C4orf50: variants seen among roughly 807,000 people sequenced by gnomAD.
C4orf50 encodes chromosome 4 open reading frame 50, also known as uncharacterized protein C4orf50.
A neutral mutation model predicts 77.2 loss-of-function variants in C4orf50; 80 were observed. The observed-to-expected ratio is 1.04, with a 90% CI of 0.87 to 1.25. The LOEUF is 1.25. Ranked by LOEUF, C4orf50 falls within the 50% of genes most tolerant of loss-of-function variation. The pLI is 0.00. For synonymous variants in C4orf50, 532 were observed against 465.3 expected, an observed-to-expected ratio of 1.14 and a Z score of -1.84; for missense variants, 1,257 against 1,152.9, an observed-to-expected ratio of 1.09 and a Z score of -1.31.
chr4:5,996,240 T>G (rs1005725561), intron 25 of C4orf50, among the ~76,000 whole-genome samples: 2 of 152,174 alleles, frequency 1.3e-5, no homozygotes, highest in African/African-American at 4.8e-5. Flanking sequence ...TGTCACATCC[T>G]TCTTGGGAGG....
chr4:5,973,903 G>A (rs1720097794), intron 30 of C4orf50, 62 bp from the exon 9 acceptor site: 8 of 1,395,566 alleles, frequency 5.7e-6, no homozygotes, highest in Admixed American at 4.3e-5. Context: ...TGAGCTGGAG[G>A]GCTGGGGGCC....
chr4:5,956,903 A>ACT (rs762448939), downstream of C4orf50: 5 of 152,240 alleles, frequency 3.3e-5, no homozygotes, highest in East Asian at 9.7e-4. Context: ...GCCTGAACCT[A>ACT]CTGGGTTGCC....
chr4:5,949,989 CAAA>C (rs374177600), intron 7 of C4orf50, among the ~76,000 whole-genome samples: 2 of 115,420 alleles, frequency 1.7e-5, no homozygotes, highest in Admixed American at 1.9e-4. Context: ...AACTCCATCT[CAAA>C]AAAAAAAAAA....
chr4:5,917,403 TTTC>T (rs1302577873), intron 7 of C4orf50, among the ~76,000 whole-genome samples: 1 of 138,074 alleles, frequency 7.2e-6, no homozygotes, highest in African/African-American at 2.9e-5. Flanking sequence ...AATTCCTGTA[TTTC>T]TTTTTTTTTT....
chr4:5,919,059 C>A lies in C4orf50; in HGVS notation c.*2475-20871G>T, dbSNP rs953652844. On this transcript the variant is annotated intron_variant, in intron 7 of 7. Transcript: ENST00000324058. This position sits in a 1 kb window ranked among gnomAD's most constrained non-coding sequence, Gnocchi z 6.5. ...TCTCGGTGCTTCTCAAGAGAACTTG[C>A]TGCTATGGCTCCTGGTTGGGACAGA... Among the ~76,000 whole-genome samples the A allele has an allele frequency of 6.6e-6, 1 of 152,176 alleles. No homozygotes were observed. The highest frequency in any genetic ancestry group is 1.5e-5 in the Non-Finnish European group (1 of 68,032).
At chr4:5,974,585 T>A (rs1230099434) in intron 30 of C4orf50, among the ~76,000 whole-genome samples, 4 of 151,826 alleles carry the variant, frequency 2.6e-5, no homozygotes, top group African/African-American at 4.8e-5. Flanking sequence ...TCAGCGGGAG[T>A]CCAGGGCATA....
rs114913598 is a variant in C4orf50, at chr4:6,010,118, C to T, written c.427-1586G>A. On this transcript the variant is annotated intron_variant, in intron 24 of 33. Coordinates refer to ENST00000531445, the Ensembl canonical transcript of C4orf50. ...TTACAGGGCTGGGTCCAATTCACCT[C>T]GGAAATCCTACATTCACATAGGGCA... Among the ~76,000 whole-genome samples, 1,069 of 152,220 alleles carry T rather than the reference C, an allele frequency of 7.0e-3. 15 individuals carry two copies. The highest frequency in any genetic ancestry group is 0.023 in the African/African-American group (966 of 41,528).
intron 31 of C4orf50, 28 bp downstream of exon 9, chr4:5,973,629 GCA>G (rs1720060788): frequency 6.3e-7 from 1 of 1,578,584 alleles, no homozygotes; most frequent in African/African-American, 1.3e-5. Flanking sequence ...CCCATAGGAA[GCA>G]CAGACAGGGC....
At chr4:5,991,731 G>A (rs1721307308) in intron 27 of C4orf50, among the ~76,000 whole-genome samples, 1 of 152,142 alleles carries the variant, frequency 6.6e-6, no homozygotes, top group East Asian at 1.9e-4. Flanking sequence ...AGAAGAGAAG[G>A]ACAGAGGGAG....
At chr4:5,978,584 C>G (rs1720407701) in intron 29 of C4orf50, among the ~76,000 whole-genome samples, 2 of 152,154 alleles carry the variant, frequency 1.3e-5, no homozygotes, top group South Asian at 4.1e-4. Context: ...GAGAAAAAAG[C>G]AATACTAGCT....
chr4:6,005,772 T>C (rs1722225364), intron 25 of C4orf50, among the ~76,000 whole-genome samples: 1 of 152,156 alleles, frequency 6.6e-6, no homozygotes, highest in Non-Finnish European at 1.5e-5. Context: ...ATCTCCCAGA[T>C]AACCATCTTC....
chr4:6,013,929 C>T (rs770933125), intron 23 of C4orf50, among the ~76,000 whole-genome samples: 31 of 151,948 alleles, frequency 2.0e-4, no homozygotes, highest in Non-Finnish European at 2.9e-4. Flanking sequence ...ATGACATAGA[C>T]AGTGAAGGAA....
Position 5,958,698 on chromosome 4 carries a change from A to G in C4orf50, c.*677T>C, listed in dbSNP as rs1435019551. The stretch of plus-strand genomic sequence containing the variant: ...CCTGGCATCCAGTGGATATCAACAG[A>G]CGTTTTTGGAGTGGATGGACTGATT... On this transcript the variant is annotated 3_prime_UTR_variant, in exon 34 of 34. Coordinates refer to ENST00000531445, the Ensembl canonical transcript of C4orf50. This position sits in a 1 kb window ranked among gnomAD's most constrained non-coding sequence, Gnocchi z 5.4. The G allele has an allele frequency of 6.6e-6, 1 of 152,054 alleles. No homozygotes were observed. Among genetic ancestry groups the G allele is most frequent in the East Asian group, 1.9e-4 (1 of 5,172 alleles). The allele number at this position is 152,054 out of a possible 1,614,324, so 9.4% of individuals were successfully genotyped here.
At chr4:5,997,499 T>A (rs532373107) in intron 25 of C4orf50, among the ~76,000 whole-genome samples, 1 of 152,324 alleles carries the variant, frequency 6.6e-6, no homozygotes, top group East Asian at 1.9e-4. Flanking sequence ...ACACAGTAAG[T>A]CGACAGGAGC....
intron 33 of C4orf50, among the ~76,000 whole-genome samples, chr4:5,962,857 T>G (rs1242116026): frequency 1.3e-5 from 2 of 152,190 alleles, no homozygotes; most frequent in African/African-American, 4.8e-5. Context: ...CATTATCCTC[T>G]TCTAGTCTCC....
intron 7 of C4orf50, among the ~76,000 whole-genome samples, chr4:5,939,732 T>G (rs1005127931): frequency 1.3e-5 from 2 of 152,164 alleles, no homozygotes; most frequent in African/African-American, 4.8e-5. Context: ...GTCATTGCAC[T>G]GAACCAGGCC....
At chr4:5,991,582 A>G (rs4532179) in intron 27 of C4orf50, among the ~76,000 whole-genome samples, 28,236 of 152,192 alleles carry the variant, frequency 0.19, 2,796 homozygotes, top group African/African-American at 0.21. Flanking sequence ...GCTGGGCTGA[A>G]GGAGGCCTGA....
In C4orf50 at chr4:5,992,376, C is replaced by T. The variant is rs747564445; in HGVS notation, c.1221+427G>A. 2.2e-4 allele frequency among the ~76,000 whole-genome samples: 34 copies of T among 152,004 alleles called. No individual in the cohort carries two copies. The highest frequency in any genetic ancestry group is 4.0e-4 in the Non-Finnish European group (27 of 67,998). ...GCGAGCCATGGGAGGTGAGTTGGGA[C>T]GCAGGCTCCTGACCCTCAGGGCCAG... is the stretch of plus-strand genomic sequence containing the variant. On this transcript the variant is annotated intron_variant, in intron 27 of 33. Coordinates refer to ENST00000531445, the Ensembl canonical transcript of C4orf50. This position sits in a 1 kb window ranked among gnomAD's most constrained non-coding sequence, Gnocchi z 5.0.
At chr4:6,016,343 G>A (rs1470958751) in intron 23 of C4orf50, among the ~76,000 whole-genome samples, 2 of 152,176 alleles carry the variant, frequency 1.3e-5, no homozygotes, top group African/African-American at 2.4e-5. Context: ...GAGGTCAGAC[G>A]TTCGAGACCT....
Sources: gnomAD v4.1 joint callset for allele counts (sites outside exome capture counted in the v4.1 genomes callset) on GRCh38, gnomAD v4.1.1 for gene constraint, Gnocchi (gnomAD v3.1) non-coding constraint, MANE v1.5 for transcripts, NCBI Gene and HGNC (gene_info 2026-07-23, HGNC 2026-07-21) for gene names.